Variants in FGFR2 observed in about 807,000 individuals in gnomAD.
FGFR2 encodes BEK fibroblast growth factor receptor.
In FGFR2, 19 loss-of-function variants were observed where a neutral mutation model predicts 95.9. The observed-to-expected ratio is 0.20, with a 90% CI of 0.14 to 0.29. The LOEUF is 0.29. FGFR2 is among the 10% of genes least tolerant of loss of function. The pLI is 1.00. For missense variants in FGFR2, 707 were observed against 1,056.9 expected, an observed-to-expected ratio of 0.67 and a Z score of 4.59; for synonymous variants, 392 against 393.3, an observed-to-expected ratio of 1.00 and a Z score of 0.04.
At chr10:121,569,256 T>C (rs968677626) in intron 2 of FGFR2, among the ~76,000 whole-genome samples, 6 of 150,214 alleles carry the variant, frequency 4.0e-5, no homozygotes, top group African/African-American at 1.5e-4. Flanking sequence ...AGTCTTGCTC[T>C]GTCACCCAGG....
chr10:121,487,511 A>G (rs1460368048), intron 14 of FGFR2, 87 bp from the exon 15 acceptor site: 2 of 1,132,190 alleles, frequency 1.8e-6, no homozygotes, highest in East Asian at 2.5e-5. Context: ...CCTGTTTAAG[A>G]GCTGATATTC....
rs746597657 is a variant in FGFR2 at position 121,483,823 on chromosome 10, T to C, written c.2196-20A>G. ...ATGTACCTGGGAAAAATGGATTTCC[T>C]TGAATTAATTTCATATGCACTGGGT... On this transcript the variant is annotated intron_variant, in intron 16 of 17. Transcript: ENST00000358487. 1.9e-6 allele frequency: 3 copies of C among 1,577,690 alleles called. No homozygotes were observed. Among genetic ancestry groups the C allele is most frequent in the Non-Finnish European group, 2.6e-6 (3 of 1,149,178 alleles).
intron 1 of FGFR2, among the ~76,000 whole-genome samples, chr10:121,596,871 G>A (rs1564760788): frequency 6.6e-6 from 1 of 152,180 alleles, no homozygotes; most frequent in African/African-American, 2.4e-5. Flanking sequence ...TCCAGGGAAA[G>A]AGAGAGGGGC....
chr10:121,535,607 G>T (rs984364435), intron 6 of FGFR2, among the ~76,000 whole-genome samples: 1 of 152,154 alleles, frequency 6.6e-6, no homozygotes, highest in Non-Finnish European at 1.5e-5. Flanking sequence ...GATGGTGAAG[G>T]CTCGCCACCT....
intron 11 of FGFR2, among the ~76,000 whole-genome samples, chr10:121,500,053 A>G (rs914853309): frequency 9.2e-5 from 14 of 151,972 alleles, no homozygotes; most frequent in African/African-American, 3.4e-4. Context: ...CGTGGGAAAC[A>G]CTCGGCATGG....
Position 121,503,920 on chromosome 10 carries a change from A to C in FGFR2, c.1309T>G (p.Ser437Ala). 1 of 1,614,074 alleles carries C rather than the reference A, an allele frequency of 6.2e-7. No individual in the cohort carries two copies. The highest frequency in any genetic ancestry group is 8.5e-7 in the Non-Finnish European group (1 of 1,180,000). The change falls in exon 10 of 18, where the codon TCC (serine) becomes GCC (alanine). Residue 437 changes from serine (S) to alanine (A), a missense_variant. Ser to Ala is a moderately conservative substitution (Grantham distance 99, BLOSUM62 1). This residue lies in a region of FGFR2 where 194 missense variants were observed against 267.3 expected (regional missense o/e 0.73). Transcript: ENST00000358487. ...ACCAGCGGGGTGTTGGAGTTCATGG[A>C]GGAGCTGGACTCAGCCGAAACCTGG... is the stretch of plus-strand genomic sequence containing the variant. ...QVTVSAESSS[S>A]MNSNTPLVRI...
intron 6 of FGFR2, among the ~76,000 whole-genome samples, chr10:121,534,305 G>T (rs1056096915): frequency 6.6e-6 from 1 of 151,786 alleles, no homozygotes; most frequent in South Asian, 2.1e-4. Context: ...CACCATGTTG[G>T]TCAGGCTGGT....
chr10:121,483,065 G>A (rs1486694482), intron 17 of FGFR2, among the ~76,000 whole-genome samples: 4 of 152,122 alleles, frequency 2.6e-5, no homozygotes, highest in Admixed American at 6.5e-5. Context: ...CCAAAATGCT[G>A]GGATTACAGG....
chr10:121,594,286 C>A, intron 1 of FGFR2: 1 of 277,186 alleles, frequency 3.6e-6, no homozygotes. Context: ...TCGCCTCCAC[C>A]GCCCTCAATG....
At chr10:121,482,279 T>TC (rs542104965) in intron 17 of FGFR2, 25 of 1,079,342 alleles carry the variant, frequency 2.3e-5, no homozygotes, top group African/African-American at 3.1e-5. Context: ...GTTGGTTTCT[T>TC]CCCCCCCTTG....
intron 2 of FGFR2, among the ~76,000 whole-genome samples, chr10:121,574,775 G>C (rs1010252528): frequency 6.6e-6 from 1 of 152,154 alleles, no homozygotes; most frequent in African/African-American, 2.4e-5. Context: ...TCTTTAAGGG[G>C]GCGAGGAAGG....
intron 10 of FGFR2, among the ~76,000 whole-genome samples, chr10:121,501,318 AT>A (rs1001046158): frequency 2.0e-5 from 3 of 152,132 alleles, no homozygotes; most frequent in African/African-American, 4.8e-5. Context: ...GACTGTTCTT[AT>A]TTTTTTGTCC....
At chr10:121,532,113 A>T (rs1232341271) in intron 6 of FGFR2, among the ~76,000 whole-genome samples, 1 of 152,174 alleles carries the variant, frequency 6.6e-6, no homozygotes, top group African/African-American at 2.4e-5. Flanking sequence ...CAGAGCAAGA[A>T]ATGGAAAAGA....
At position 121,551,468 on chromosome 10, in the gene FGFR2, G is replaced by T; in HGVS notation, c.455-9C>A. On this transcript the variant is annotated splice_polypyrimidine_tract_variant and intron_variant, in intron 4 of 17. Transcript: ENST00000358487. ...GGTCCAGTATGGTGCTCCTGTTTTG[G>T]AAAACAGTATTAGAATGTATACTGA... The T allele has an allele frequency of 6.2e-7, 1 of 1,613,928 alleles. No individual in the cohort carries two copies. The highest frequency in any genetic ancestry group is 8.5e-7 in the Non-Finnish European group (1 of 1,179,934).
chr10:121,537,872 C>T (rs1348015339), intron 6 of FGFR2: 2 of 161,126 alleles, frequency 1.2e-5, no homozygotes, highest in Non-Finnish European at 2.7e-5. Flanking sequence ...CTCCAAGACA[C>T]AGAAACCTCC....
chr10:121,568,696 G>A (rs1052654643), intron 2 of FGFR2, among the ~76,000 whole-genome samples: 1 of 152,170 alleles, frequency 6.6e-6, no homozygotes, highest in East Asian at 1.9e-4. Context: ...TCCCGGCAAA[G>A]GAGGAGTTAT....
In FGFR2 at chr10:121,551,475, G is replaced by GT. The variant is rs778350574; in HGVS notation, c.455-17dup. 5 of 1,612,820 alleles carry GT rather than the reference G, an allele frequency of 3.1e-6. No homozygotes were observed. The highest frequency in any genetic ancestry group is 3.4e-6 in the Non-Finnish European group (4 of 1,179,218). ...TATGGTGCTCCTGTTTTGGAAAACA[G>GT]TATTAGAATGTATACTGATGGACAG... On this transcript the variant is annotated splice_polypyrimidine_tract_variant and intron_variant, in intron 4 of 17. Transcript: ENST00000358487.
intron 2 of FGFR2, among the ~76,000 whole-genome samples, chr10:121,566,559 T>C (rs564718239): frequency 1.4e-3 from 207 of 152,166 alleles, no homozygotes; most frequent in African/African-American, 4.8e-3. Flanking sequence ...CCTCCCTCTC[T>C]TCCCTGTCAT....
At chr10:121,490,842 G>A (rs1846040572) in intron 13 of FGFR2, among the ~76,000 whole-genome samples, 1 of 152,126 alleles carries the variant, frequency 6.6e-6, no homozygotes, top group African/African-American at 2.4e-5. Flanking sequence ...ACACACTTCT[G>A]GGCCTCCCGG....
Sources: allele counts gnomAD v4.1 joint callset (sites outside exome capture counted in the v4.1 genomes callset), GRCh38; gene constraint gnomAD v4.1.1; regional missense constraint gnomAD v4.1.1; transcripts MANE v1.5; gene names NCBI Gene and HGNC (gene_info 2026-07-23, HGNC 2026-07-21).